Variants in NAV3 observed in about 807,000 individuals in gnomAD.
The protein encoded by NAV3 is neuron navigator 3.
In NAV3, 87 loss-of-function variants were observed where a neutral mutation model predicts 244.7. That is an observed-to-expected ratio of 0.36 (90% confidence interval 0.30 to 0.42). The LOEUF (loss-of-function observed/expected upper bound fraction) is 0.42, where lower values mean the gene tolerates loss of function less well. NAV3 is among the 20% of genes least tolerant of loss of function. The pLI is 1.00. For synonymous variants in NAV3, 1,126 were observed against 1,042.2 expected (o/e 1.08, Z -1.55); for missense variants, 2,663 against 2,893.3 (o/e 0.92, Z 1.83).
At chr12:78,147,567 A>G (rs906573233) in intron 21 of NAV3, among the ~76,000 whole-genome samples, 1 of 151,868 alleles carries the variant, frequency 6.6e-6, no homozygotes, top group African/African-American at 2.4e-5. Flanking sequence ...ATTATCTTAT[A>G]AATGTAAAGC....
intron 9 of NAV3, among the ~76,000 whole-genome samples, chr12:78,033,544 A>G (rs187615783): frequency 6.6e-6 from 1 of 152,184 alleles, no homozygotes; most frequent in Admixed American, 6.5e-5. Context: ...ATATGAATGT[A>G]CCCCCAAAGC....
chr12:77,859,564 T>C (rs11107045), intron 1 of NAV3, among the ~76,000 whole-genome samples: 118,025 of 150,556 alleles, frequency 0.78, 47,933 homozygotes, highest in East Asian at 1. Flanking sequence ...CACATGTATA[T>C]GTATGTTACT....
intron 2 of NAV3, among the ~76,000 whole-genome samples, chr12:77,598,517 C>G (rs75973731): frequency 0.027 from 4,162 of 152,014 alleles, 83 homozygotes; most frequent in Middle Eastern, 0.085. Flanking sequence ...TCTGATTGTC[C>G]TTCAGAAATC....
At chr12:77,781,331 G>A (rs1870650204) in intron 2 of NAV3, among the ~76,000 whole-genome samples, 1 of 152,132 alleles carries the variant, frequency 6.6e-6, no homozygotes, top group South Asian at 2.1e-4. Context: ...CACTCTTTAA[G>A]TCTGATAAGA....
intron 2 of NAV3, among the ~76,000 whole-genome samples, chr12:77,774,047 T>A (rs2135888563): frequency 6.6e-6 from 1 of 152,250 alleles, no homozygotes; most frequent in Non-Finnish European, 1.5e-5. Context: ...CTAAGAATGA[T>A]TGTGTTTATA....
rs184765782 is a variant in NAV3, at chr12:77,800,424, G to A, written c.73-139895G>A. Among the ~76,000 whole-genome samples, 9 of 152,248 alleles carry A rather than the reference G, an allele frequency of 5.9e-5. 1 individual carries two copies. In the South Asian group the frequency reaches 8.3e-4, roughly 14 times the overall value. On this transcript the variant is annotated intron_variant, in intron 2 of 8. Coordinates refer to the NAV3 transcript ENST00000550042. ...TAGTGTAAAGTTAATGGATCCTAGC[G>A]ATTGTACAATGGTTCAATGTTCTTG...
intron 2 of NAV3, among the ~76,000 whole-genome samples, chr12:77,618,479 G>A (rs1404060779): frequency 1.3e-5 from 2 of 152,076 alleles, no homozygotes; most frequent in East Asian, 1.9e-4. Context: ...ATATTCGATT[G>A]AAAAATAATT....
At chr12:77,827,254 A>C (rs957915326), upstream of NAV3, among the ~76,000 whole-genome samples, 1 of 151,364 alleles carries the variant, frequency 6.6e-6, no homozygotes, top group Non-Finnish European at 1.5e-5. Context: ...AAAAAAAAAA[A>C]AAAAAAAGTA....
intron 2 of NAV3, among the ~76,000 whole-genome samples, chr12:77,746,491 A>G (rs1356271649): frequency 6.6e-6 from 1 of 152,140 alleles, no homozygotes; most frequent in African/African-American, 2.4e-5. Context: ...ATATGTGTGC[A>G]TATATGTATG....
At chr12:77,785,789 C>T (rs1273392509) in intron 2 of NAV3, among the ~76,000 whole-genome samples, 1 of 151,968 alleles carries the variant, frequency 6.6e-6, no homozygotes, top group African/African-American at 2.4e-5. Flanking sequence ...TGTGGGCTAC[C>T]GTATTAATTT....
intron 2 of NAV3, among the ~76,000 whole-genome samples, chr12:77,625,680 C>A (rs1871587271): frequency 6.6e-6 from 1 of 152,140 alleles, no homozygotes; most frequent in Admixed American, 6.6e-5. Flanking sequence ...AAACAGACAC[C>A]ACTGGTGCTG....
chr12:77,938,061 C>G (rs918419438), intron 1 of NAV3, among the ~76,000 whole-genome samples: 3 of 152,148 alleles, frequency 2.0e-5, no homozygotes, highest in African/African-American at 7.2e-5. Context: ...CTGTCTGACT[C>G]CAGAACTCAT....
At chr12:78,079,779 T>C (rs1402339477) in intron 12 of NAV3, among the ~76,000 whole-genome samples, 1 of 152,194 alleles carries the variant, frequency 6.6e-6, no homozygotes, top group Non-Finnish European at 1.5e-5. Context: ...TACAAATGAT[T>C]AGGCCTACCC....
At chr12:77,633,182 A>G (rs1471435748) in intron 2 of NAV3, among the ~76,000 whole-genome samples, 1 of 152,034 alleles carries the variant, frequency 6.6e-6, no homozygotes, top group Non-Finnish European at 1.5e-5. Context: ...TGTGTGTTCT[A>G]TTATCTCCAT....
intron 2 of NAV3, among the ~76,000 whole-genome samples, chr12:77,613,658 A>G (rs533087169): frequency 6.6e-6 from 1 of 152,258 alleles, no homozygotes; most frequent in South Asian, 2.1e-4. Context: ...TATTGTTCTC[A>G]GTGTTTGTGG....
At chr12:77,951,610 A>G (rs868171107) in intron 3 of NAV3, among the ~76,000 whole-genome samples, 1 of 152,202 alleles carries the variant, frequency 6.6e-6, no homozygotes, top group South Asian at 2.1e-4. Context: ...CTATAAAGAC[A>G]CATGCACACG....
At chr12:77,956,366 G>A (rs1891359029) in intron 3 of NAV3, among the ~76,000 whole-genome samples, 3 of 152,122 alleles carry the variant, frequency 2.0e-5, no homozygotes, top group African/African-American at 4.8e-5. Flanking sequence ...AGTTAGGATT[G>A]GTTTACGTTT....
At chr12:78,106,974 G>A (rs560015845) in intron 12 of NAV3, among the ~76,000 whole-genome samples, 27 of 152,268 alleles carry the variant, frequency 1.8e-4, no homozygotes, top group Admixed American at 4.6e-4. Flanking sequence ...AGAAATCATA[G>A]AGAGACTACA....
intron 2 of NAV3, among the ~76,000 whole-genome samples, chr12:77,639,256 T>G: frequency 6.6e-6 from 1 of 152,222 alleles, no homozygotes; most frequent in East Asian, 1.9e-4. Context: ...ATTCATTAAC[T>G]TAGCCAACAA....
Sources: gnomAD v4.1 joint callset for allele counts (sites outside exome capture counted in the v4.1 genomes callset) on GRCh38, gnomAD v4.1.1 for gene constraint, MANE v1.5 for transcripts, NCBI Gene and HGNC (gene_info 2026-07-23, HGNC 2026-07-21) for gene names.